The following BARHL2 variants were observed in gnomAD, a reference collection of about 807,000 sequenced individuals.
BARHL2 encodes BarH like homeobox 2, also known as barH-like 2 homeobox protein.
A neutral mutation model predicts 27.1 loss-of-function variants in BARHL2; 10 were observed. The ratio of observed to expected loss-of-function variants is 0.37; its 90% CI spans 0.23 to 0.63. The LOEUF (loss-of-function observed/expected upper bound fraction) is 0.63. Among genes scored for constraint, BARHL2 ranks in the 20% least tolerant of loss-of-function variants. The probability of loss-of-function intolerance (pLI) is 0.65; values close to 1 mark genes in which losing one functional copy is unlikely to be tolerated. For missense variants in BARHL2, 483 were observed against 533.5 expected, an observed-to-expected ratio of 0.91 and a Z score of 0.93; for synonymous variants, 248 against 224.7, an observed-to-expected ratio of 1.10 and a Z score of -0.93.
Position 90,716,813 on chromosome 1 carries a change from A to AGCTGCTGGGGGGGCGGCGGCGGCG in BARHL2, c.359_382dup (p.Pro120_Gln127dup). 2 of 1,552,726 alleles carry AGCTGCTGGGGGGGCGGCGGCGGCG rather than the reference A, an allele frequency of 1.3e-6. No homozygotes were observed. The highest frequency in any genetic ancestry group is 1.7e-6 in the Non-Finnish European group (2 of 1,147,862). On this transcript the variant is annotated inframe_insertion, in exon 1 of 3. Transcript: ENST00000370445. ...CCTGGGGGCCGAGGCGGCCGAGCCCAGCTGCTGGGGGGGCGGCGGCGGCGG... is the reference window on the plus strand; with the variant it reads ...CCTGGGGGCCGAGGCGGCCGAGCCCAGCTGCTGGGGGGGCGGCGGCGGCGGCTGCTGGGGGGGCGGCGGCGGCGG...
At position 90,717,174 on chromosome 1, in the gene BARHL2, C is replaced by T. The variant is rs1041817827; in HGVS notation, c.22G>A (p.Gly8Arg). MTMEGAS[G>R]SSFGIDTILS... ...ATCGTGTCTATTCCAAAACTCGACC[C>T]GCTGGCCCCTTCCATTGTCATTGCT... The change falls in exon 1 of 3, where the codon GGG (glycine) becomes AGG (arginine). Residue 8 changes from glycine (G) to arginine (R), a missense_variant. By Grantham distance (125) the Gly-to-Arg change is moderately radical. Coordinates refer to ENST00000370445, the MANE Select transcript of BARHL2 (RefSeq NM_020063.2). 1.2e-5 allele frequency: 19 copies of T among 1,613,052 alleles called. No individual in the cohort carries two copies. The highest frequency in any genetic ancestry group is 2.7e-5 in the African/African-American group (2 of 74,790).
Position 90,717,044 on chromosome 1 carries a change from G to A in BARHL2, c.152C>T (p.Pro51Leu), listed in dbSNP as rs1393481011. 4 of 1,613,848 alleles carry A rather than the reference G, an allele frequency of 2.5e-6. No individual in the cohort carries two copies. The highest frequency in any genetic ancestry group is 1.3e-5 in the African/African-American group (1 of 74,870). The change falls in exon 1 of 3, where the codon CCC becomes CTC. Residue 51 changes from proline to leucine, a missense_variant. Physicochemically the swap from Pro to Leu is moderately conservative, Grantham distance 98. This residue lies in a region of BARHL2 where 304 missense variants were observed against 284.9 expected (regional missense o/e 1.07). Coordinates refer to ENST00000370445, the MANE Select transcript of BARHL2 (RefSeq NM_020063.2). ...ADFRSQATPS[P>L]CSEIDTVGTA... ...CCCTACGGTATCAATCTCCGAACAG[G>A]GAGATGGGGTGGCCTGACTCCTAAA...
At chr1:90,713,548 A>G (rs1262210689) in intron 2 of BARHL2, among the ~76,000 whole-genome samples, 1 of 152,196 alleles carries the variant, frequency 6.6e-6, no homozygotes, top group Admixed American at 6.5e-5. Flanking sequence ...ATGTTTTCCG[A>G]CAGAATTAGG....
chr1:90,716,509 G>T, intron 1 of BARHL2, 62 bp downstream of exon 1: 1 of 1,537,658 alleles, frequency 6.5e-7, no homozygotes, highest in South Asian at 1.1e-5. Context: ...GAAGGCTGAA[G>T]GGGAGATTGG....
At chr1:90,716,117 G>T (rs1486079359) in intron 1 of BARHL2, among the ~76,000 whole-genome samples, 1 of 31,626 alleles carries the variant, frequency 3.2e-5, no homozygotes, top group East Asian at 5.9e-4. Context: ...AAAATAAAGT[G>T]GGGGGGGGGT....
At chr1:90,713,620 T>C (rs1658082660) in intron 2 of BARHL2, among the ~76,000 whole-genome samples, 1 of 152,186 alleles carries the variant, frequency 6.6e-6, no homozygotes, top group South Asian at 2.1e-4. Context: ...TGGATGGGCA[T>C]TTCCAACCGC....
In BARHL2 at chr1:90,716,869, G is replaced by A; in HGVS notation, c.327C>T (p.Pro109=). The A allele has an allele frequency of 1.3e-6, 2 of 1,570,352 alleles. No homozygotes were observed. Among genetic ancestry groups the A allele is most frequent in the African/African-American group, 1.4e-5 (1 of 73,462 alleles). ...AAPTQSLQPL[P]QQQQPLPPQQ... is the part of the protein sequence containing the mutation. ...GTGGCGGCAGCGGCTGCTGCTGTTG[G>A]GGCAAAGGCTGCAAACTTTGCGTCG... The change falls in exon 1 of 3, where the codon CCC becomes CCT. Residue 109 remains proline, a synonymous_variant. Coordinates refer to ENST00000370445, the MANE Select transcript of BARHL2 (RefSeq NM_020063.2).
intron 2 of BARHL2, among the ~76,000 whole-genome samples, chr1:90,714,070 C>T (rs976454304): frequency 6.6e-5 from 10 of 152,172 alleles, no homozygotes; most frequent in African/African-American, 2.4e-4. Context: ...GACATTTACG[C>T]CGAGGCTGGT....
At chr1:90,713,761 C>T (rs546063123) in intron 2 of BARHL2, among the ~76,000 whole-genome samples, 2 of 152,336 alleles carry the variant, frequency 1.3e-5, no homozygotes, top group East Asian at 1.9e-4. Context: ...CTCTACACTT[C>T]GTGGCCCTGC....
In BARHL2 at chr1:90,716,688, T is replaced by C; in HGVS notation, c.508A>G (p.Thr170Ala). Residue 170 changes from threonine (T) to alanine (A), a missense_variant, in exon 1 of 3, where the codon ACC (threonine) becomes GCC (alanine). By Grantham distance (58) the Thr-to-Ala change is moderately conservative. Transcript: ENST00000370445. The part of the protein sequence containing the change: ...YSTSVSSPHH[T>A]PKQESNAVHE... Reference sequence around the variant, plus strand: ...ACTGCGTTGCTCTCCTGCTTCGGGGTGTGGTGGGGAGAGGATACGCTGGTG... The same window carrying C: ...ACTGCGTTGCTCTCCTGCTTCGGGGCGTGGTGGGGAGAGGATACGCTGGTG... 1 of 1,612,542 alleles carries C rather than the reference T, an allele frequency of 6.2e-7. No homozygotes were observed. Among genetic ancestry groups the C allele is most frequent in the Non-Finnish European group, 8.5e-7 (1 of 1,179,410 alleles).
At chr1:90,715,764 C>G (rs1415305664) in intron 1 of BARHL2, among the ~76,000 whole-genome samples, 2 of 151,920 alleles carry the variant, frequency 1.3e-5, no homozygotes, top group Non-Finnish European at 2.9e-5. Context: ...CATGCAAAGA[C>G]TACCACATTT....
rs181086486 is a variant in BARHL2 at position 90,713,935 on chromosome 1, C to T, written c.851+596G>A. On this transcript the variant is annotated intron_variant, in intron 2 of 2. Transcript: ENST00000370445. The stretch of plus-strand genomic sequence containing the variant: ...CTCCCTGTCCGGATGCTTGGCCAGC[C>T]GCCGATTCTCCAGGCTGCGGCTGCC... Among the ~76,000 whole-genome samples the T allele has an allele frequency of 4.2e-3, 647 of 152,338 alleles. 4 individuals carry two copies. Among genetic ancestry groups the T allele is most frequent in the Admixed American group, 0.021 (314 of 15,306 alleles).
At position 90,714,638 on chromosome 1, in the gene BARHL2, CT is replaced by C. The variant is rs758245403; in HGVS notation, c.743del (p.Glu248GlyfsTer10). On this transcript the variant is annotated frameshift_variant, in exon 2 of 3. Transcript: ENST00000370445. LOFTEE classifies it high-confidence loss of function. The part of the protein sequence containing the change: ...AFSDHQLNQL[E>X]RSFERQKYLS... ...GGTACTTCTGCCGCTCAAAGCTACGCTCCAGTTGATTGAGCTGGTGGTCGGA... is the reference window on the plus strand; with the variant it reads ...GGTACTTCTGCCGCTCAAAGCTACGCCCAGTTGATTGAGCTGGTGGTCGGA... 6.2e-7 allele frequency: 1 copy of C among 1,614,250 alleles called. No homozygotes were observed. Among genetic ancestry groups the C allele is most frequent in the Admixed American group, 1.7e-5 (1 of 60,034 alleles).
chr1:90,713,247 CATTT>C (rs1422582859), intron 2 of BARHL2, among the ~76,000 whole-genome samples: 1 of 152,156 alleles, frequency 6.6e-6, no homozygotes, highest in African/African-American at 2.4e-5. Flanking sequence ...AAATGGAATT[CATTT>C]GAGGGAGGGT....
chr1:90,714,525 C>A lies in BARHL2; in HGVS notation c.851+6G>T. On this transcript the variant is annotated splice_donor_region_variant and intron_variant, in intron 2 of 2. Transcript: ENST00000370445. The stretch of plus-strand genomic sequence containing the variant: ...CACCTTTGCTCCCCCAAAGTGCCTC[C>A]CTTACCTGCGGTTCTGGTACCAGGT... 6.2e-7 allele frequency: 1 copy of A among 1,614,008 alleles called. No individual in the cohort carries two copies. The highest frequency in any genetic ancestry group is 2.2e-5 in the East Asian group (1 of 44,880).
Position 90,712,450 on chromosome 1 carries a change from G to C in BARHL2, c.1026C>G (p.Tyr342Ter). 1 of 1,612,944 alleles carries C rather than the reference G, an allele frequency of 6.2e-7. No homozygotes were observed. The highest frequency in any genetic ancestry group is 8.5e-7 in the Non-Finnish European group (1 of 1,179,550). ...GGGGATGGGGTGCTGGAGGAGTCCGGTACATGCTGCTGTACATGGCAGCGG... is the reference window on the plus strand; with the variant it reads ...GGGGATGGGGTGCTGGAGGAGTCCGCTACATGCTGCTGTACATGGCAGCGG... ...AAAAAMYSSM[Y>*]RTPPAPHPQL... Residue 342 changes from tyrosine to a stop codon, truncating the protein, a stop_gained, in exon 3 of 3, where the codon TAC becomes TAG. Transcript: ENST00000370445. LOFTEE classifies it high-confidence loss of function.
chr1:90,712,646 G>A (rs1441550326), intron 2 of BARHL2, 22 bp from the exon 3 acceptor site: 3 of 1,580,990 alleles, frequency 1.9e-6, no homozygotes, highest in East Asian at 2.3e-5. Context: ...CGGGTGTGCA[G>A]GCACCCAGCA....
rs752037273 is a variant in BARHL2, at chr1:90,716,579, T to G, written c.617A>C (p.Lys206Thr). The change falls in exon 1 of 3, where the codon AAA becomes ACA. Residue 206 changes from lysine (K) to threonine (T), a missense_variant. This residue lies in a region of BARHL2 where 304 missense variants were observed against 284.9 expected (regional missense o/e 1.07). Coordinates refer to ENST00000370445, the MANE Select transcript of BARHL2 (RefSeq NM_020063.2). ...CGGGTGGCGGGACTCACCGTGGCAT[T>G]TGATGTCGCTCTGGGAATCCTCCCG... Reference protein sequence around the residue: ...DKREDSQSDIKCHGTKEEGDR... With the variant: ...DKREDSQSDITCHGTKEEGDR... 2 of 1,613,924 alleles carry G rather than the reference T, an allele frequency of 1.2e-6. No individual in the cohort carries two copies. Among genetic ancestry groups the G allele is most frequent in the Non-Finnish European group, 8.5e-7 (1 of 1,180,012 alleles).
At chr1:90,716,128 G>A (rs527403448) in intron 1 of BARHL2, among the ~76,000 whole-genome samples, 132 of 145,278 alleles carry the variant, frequency 9.1e-4, no homozygotes, top group African/African-American at 3.3e-3. Flanking sequence ...GGGGGGGGGT[G>A]AAATCACTTG....
Sources: gnomAD v4.1 joint callset for allele counts (sites outside exome capture counted in the v4.1 genomes callset) on GRCh38, gnomAD v4.1.1 for gene constraint, gnomAD v4.1.1 regional missense constraint, MANE v1.5 for transcripts, NCBI Gene and HGNC (gene_info 2026-07-23, HGNC 2026-07-21) for gene names.